The following MYO3B variants were observed in gnomAD, a reference collection of about 807,000 sequenced individuals.
MYO3B encodes myosin IIIB.
A neutral mutation model predicts 174.6 loss-of-function variants in MYO3B; 156 were observed. The ratio of observed to expected loss-of-function variants is 0.89; its 90% CI spans 0.78 to 1.02. The LOEUF (loss-of-function observed/expected upper bound fraction) is 1.02. MYO3B is among the 50% of genes least tolerant of loss of function. The probability of loss-of-function intolerance (pLI) is 0.00; values close to 1 mark genes in which losing one functional copy is unlikely to be tolerated. For synonymous variants in MYO3B, 563 were observed against 569.1 expected (o/e 0.99, Z 0.15); for missense variants, 1,632 against 1,639.4 (o/e 1.00, Z 0.08).
At chr2:170,530,591 C>T (rs138355123) in intron 30 of MYO3B, among the ~76,000 whole-genome samples, 238 of 152,316 alleles carry the variant, frequency 1.6e-3, no homozygotes, top group African/African-American at 5.2e-3. Context: ...AACTACCCAG[C>T]GCCAGGTTGA....
intron 8 of MYO3B, among the ~76,000 whole-genome samples, chr2:170,366,911 C>G (rs937943728): frequency 1.3e-5 from 2 of 152,124 alleles, no homozygotes; most frequent in Admixed American, 6.6e-5. Flanking sequence ...GTATGGGTTT[C>G]CTAGTCTTTC....
chr2:170,203,971 C>T (rs1293114608), intron 3 of MYO3B, among the ~76,000 whole-genome samples: 3 of 152,128 alleles, frequency 2.0e-5, no homozygotes, highest in Non-Finnish European at 4.4e-5. Flanking sequence ...AGTGATTCTT[C>T]CCACTCTTGG....
At chr2:170,223,804 C>A (rs547903766) in intron 6 of MYO3B, among the ~76,000 whole-genome samples, 6 of 152,266 alleles carry the variant, frequency 3.9e-5, no homozygotes, top group South Asian at 2.1e-4. Context: ...AGAGAAAGAA[C>A]CAATGTTGTC....
chr2:170,532,699 C>G (rs1420200527), intron 30 of MYO3B, among the ~76,000 whole-genome samples: 1 of 151,712 alleles, frequency 6.6e-6, no homozygotes, highest in East Asian at 1.9e-4. Flanking sequence ...GCCTGTAATC[C>G]CAGCTACTCG....
At chr2:170,337,009 C>T (rs2093951108) in intron 8 of MYO3B, among the ~76,000 whole-genome samples, 1 of 151,204 alleles carries the variant, frequency 6.6e-6, no homozygotes, top group Admixed American at 6.6e-5. Flanking sequence ...ATCTCGTTGC[C>T]CCTTTAGCCC....
chr2:170,565,992 A>G (rs1319796870), intron 32 of MYO3B, among the ~76,000 whole-genome samples: 1 of 152,162 alleles, frequency 6.6e-6, no homozygotes, highest in East Asian at 1.9e-4. Flanking sequence ...TTTTCCCATA[A>G]CACACCTCAA....
At chr2:170,525,391 A>G (rs1187856556) in intron 30 of MYO3B, among the ~76,000 whole-genome samples, 2 of 152,228 alleles carry the variant, frequency 1.3e-5, no homozygotes, top group African/African-American at 4.8e-5. Flanking sequence ...GCTGATAAAT[A>G]CAATGGTGAG....
In MYO3B at chr2:170,494,746, A is replaced by AAAG. The variant is rs1321234626; in HGVS notation, c.3015-3837_3015-3835dup. Among the ~76,000 whole-genome samples, 161 of 147,770 alleles carry AAAG rather than the reference A, an allele frequency of 1.1e-3. 3 individuals are homozygous for AAAG. Among genetic ancestry groups the AAAG allele is most frequent in the East Asian group, 4.7e-3 (23 of 4,900 alleles). ...GCGTCTCAAAAAAAAAAAAAAAAAA[A>AAAG]AAGAAGAAGAAAAAAAAGAAAAAAG... On this transcript the variant is annotated intron_variant, in intron 25 of 34. Coordinates refer to ENST00000408978, the MANE Select transcript of MYO3B (RefSeq NM_138995.5).
At chr2:170,250,803 G>A (rs2093243944) in intron 7 of MYO3B, among the ~76,000 whole-genome samples, 2 of 152,076 alleles carry the variant, frequency 1.3e-5, no homozygotes, top group Admixed American at 1.3e-4. Flanking sequence ...GGATGGAGTG[G>A]GAAGATGATA....
At chr2:170,443,055 C>T (rs1373038184) in intron 22 of MYO3B, among the ~76,000 whole-genome samples, 1 of 152,204 alleles carries the variant, frequency 6.6e-6, no homozygotes, top group African/African-American at 2.4e-5. Flanking sequence ...ATTTCTAGTT[C>T]TAGATCCCTG....
rs2092713111 is a variant in MYO3B, at chr2:170,206,314, A to G, written c.321+6030A>G. Among the ~76,000 whole-genome samples, 1 of 152,150 alleles carries G rather than the reference A, an allele frequency of 6.6e-6. No individual in the cohort carries two copies. Among genetic ancestry groups the G allele is most frequent in the Admixed American group, 6.5e-5 (1 of 15,274 alleles). ...TGTCCCCTCTTTGCCCTCCCTCAGC[A>G]GAGTTCACCCTTCCTTCTTTGGTGC... On this transcript the variant is annotated intron_variant, in intron 3 of 34. Transcript: ENST00000408978. This position sits in a 1 kb window ranked among gnomAD's most constrained non-coding sequence, Gnocchi z 4.3.
chr2:170,395,453 G>A (rs999853853), intron 16 of MYO3B, among the ~76,000 whole-genome samples: 2 of 152,166 alleles, frequency 1.3e-5, no homozygotes, highest in Non-Finnish European at 2.9e-5. Context: ...GGAGAGGTTA[G>A]GGAGAAGCCT....
chr2:170,405,837 G>T (rs1189323830), intron 21 of MYO3B, among the ~76,000 whole-genome samples: 5 of 152,184 alleles, frequency 3.3e-5, no homozygotes, highest in African/African-American at 7.2e-5. Flanking sequence ...TCTCACTGGG[G>T]TGGCCCACAG....
At chr2:170,516,303 GT>G (rs376694869) in intron 29 of MYO3B, among the ~76,000 whole-genome samples, 227 of 147,704 alleles carry the variant, frequency 1.5e-3, no homozygotes, top group Middle Eastern at 7.0e-3. Context: ...GTTTTTTGTT[GT>G]TTTTTTTTTC....
intron 8 of MYO3B, chr2:170,348,744 C>A (rs1458870224): frequency 6.6e-6 from 1 of 152,198 alleles, no homozygotes; most frequent in East Asian, 1.9e-4. Context: ...TGGTCTTCTG[C>A]CCTCCTGATG....
chr2:170,577,299 CT>C (rs1191571929), intron 32 of MYO3B, among the ~76,000 whole-genome samples: 3 of 152,060 alleles, frequency 2.0e-5, no homozygotes, highest in African/African-American at 7.2e-5. Flanking sequence ...ATATTTTTAC[CT>C]TTGACATTAA....
intron 18 of MYO3B, among the ~76,000 whole-genome samples, chr2:170,402,115 C>T (rs1162649088): frequency 6.6e-6 from 1 of 152,180 alleles, no homozygotes; most frequent in African/African-American, 2.4e-5. Context: ...GGTTCGCACC[C>T]AAACTCTACA....
chr2:170,216,118 A>G (rs573846565), intron 5 of MYO3B, among the ~76,000 whole-genome samples: 1 of 149,860 alleles, frequency 6.7e-6, no homozygotes, highest in South Asian at 2.2e-4. Context: ...AATAAAGAGA[A>G]TGTCCGCAGT....
intron 16 of MYO3B, among the ~76,000 whole-genome samples, chr2:170,396,837 G>A (rs2094444574): frequency 6.6e-6 from 1 of 152,152 alleles, no homozygotes; most frequent in Non-Finnish European, 1.5e-5. Context: ...GAGAGAGAGA[G>A]AGAGTCTTTG....
Sources: gnomAD v4.1 joint callset for allele counts (sites outside exome capture counted in the v4.1 genomes callset) on GRCh38, gnomAD v4.1.1 for gene constraint, Gnocchi (gnomAD v3.1) non-coding constraint, MANE v1.5 for transcripts, NCBI Gene and HGNC (gene_info 2026-07-23, HGNC 2026-07-21) for gene names.